The following CDKAL1 variants were observed in gnomAD, a reference collection of about 807,000 sequenced individuals.
The protein encoded by CDKAL1 is CDKAL1 threonylcarbamoyladenosine tRNA methylthiotransferase, also known as threonylcarbamoyladenosine tRNA methylthiotransferase.
A neutral mutation model predicts 68.2 loss-of-function variants in CDKAL1; 32 were observed. The observed-to-expected ratio is 0.47, with a 90% CI of 0.35 to 0.63. The LOEUF is 0.63. CDKAL1 is among the 30% of genes least tolerant of loss of function. CDKAL1 has a pLI of 0.00. For missense variants in CDKAL1, 606 were observed against 696.7 expected (o/e 0.87, Z 1.47); for synonymous variants, 234 against 244.3 (o/e 0.96, Z 0.39).
chr6:20,593,956 G>T (rs1235598156), intron 4 of CDKAL1, among the ~76,000 whole-genome samples: 4 of 152,208 alleles, frequency 2.6e-5, no homozygotes, highest in African/African-American at 9.6e-5. Flanking sequence ...TCAGGAGCAG[G>T]TTGTTCAGTT....
At chr6:20,695,837 G>A (rs1771082850) in intron 5 of CDKAL1, among the ~76,000 whole-genome samples, 1 of 152,090 alleles carries the variant, frequency 6.6e-6, no homozygotes, top group Non-Finnish European at 1.5e-5. Context: ...GTGTCAATAA[G>A]TATATTCACA....
chr6:20,712,514 AAAG>A lies in CDKAL1; in HGVS notation c.372-27001_372-26999del, dbSNP rs1333161971. On this transcript the variant is annotated intron_variant, in intron 5 of 15. Coordinates refer to ENST00000274695, the MANE Select transcript of CDKAL1 (RefSeq NM_017774.3). ...GTGCTTGATGTGTTAGAAAAAAAAA[AAAG>A]AAGTGAAATGAAAAGAAAAGAAAAT... 9.9e-5 allele frequency among the ~76,000 whole-genome samples: 15 copies of A among 152,172 alleles called. 1 individual carries two copies. Among genetic ancestry groups the A allele is most frequent in the Admixed American group, 7.2e-4 (11 of 15,290 alleles).
intron 5 of CDKAL1, among the ~76,000 whole-genome samples, chr6:20,665,372 A>C (rs956245749): frequency 1.3e-5 from 2 of 152,170 alleles, no homozygotes; most frequent in African/African-American, 4.8e-5. Context: ...ATTTCAAAAT[A>C]CAAATGCTTA....
At chr6:20,626,613 A>C (rs771169599) in intron 4 of CDKAL1, among the ~76,000 whole-genome samples, 1 of 152,130 alleles carries the variant, frequency 6.6e-6, no homozygotes, top group South Asian at 2.1e-4. Context: ...CAGAATACCC[A>C]ATCGATAGTG....
Position 21,122,066 on chromosome 6 carries a change from T to G in CDKAL1, c.1299+13603T>G, listed in dbSNP as rs138289015. On this transcript the variant is annotated intron_variant, in intron 13 of 15. Coordinates refer to ENST00000274695, the MANE Select transcript of CDKAL1 (RefSeq NM_017774.3). Reference sequence around the variant, plus strand: ...AGCTCAGTTTAAACATTTAAAAACCTTTATTAATAAAACCAAAAACTTTGA... The same window carrying G: ...AGCTCAGTTTAAACATTTAAAAACCGTTATTAATAAAACCAAAAACTTTGA... Among the ~76,000 whole-genome samples, 199 of 152,328 alleles carry G rather than the reference T, an allele frequency of 1.3e-3. 1 individual carries two copies. The highest frequency in any genetic ancestry group is 3.5e-3 in the Admixed American group (54 of 15,300).
rs1171622769 is a variant in CDKAL1 at position 20,646,048 on chromosome 6, A to ATTTTTT, written c.287-3226_287-3221dup. Among the ~76,000 whole-genome samples the ATTTTTT allele has an allele frequency of 5.6e-3, 487 of 87,392 alleles. 1 individual carries two copies. The highest frequency in any genetic ancestry group is 0.013 in the Middle Eastern group (1 of 80). 57.3% of individuals were successfully genotyped at this position (87,392 alleles called of 152,430 possible). ...CTTTCTGAGGCTATTTCACGGTTAA[A>ATTTTTT]TTTTTTTTTTTTTTTTTTTTTTTTG... On this transcript the variant is annotated intron_variant, in intron 4 of 15. Coordinates refer to ENST00000274695, the MANE Select transcript of CDKAL1 (RefSeq NM_017774.3).
chr6:20,679,302 G>A (rs1054609614), intron 5 of CDKAL1, among the ~76,000 whole-genome samples: 4 of 152,292 alleles, frequency 2.6e-5, no homozygotes, highest in East Asian at 3.9e-4. Flanking sequence ...ACCAAAGAAT[G>A]TGTTTTACTT....
rs144317646 is a variant in CDKAL1 at position 20,704,481 on chromosome 6, G to A, written c.372-35038G>A. ...AGGAAACAGCAATAAAAAAAACACT[G>A]GGGGAGGAATGTGCTTGTCATGTTC... On this transcript the variant is annotated intron_variant, in intron 5 of 15. Coordinates refer to ENST00000274695, the MANE Select transcript of CDKAL1 (RefSeq NM_017774.3). Among the ~76,000 whole-genome samples, 384 of 152,270 alleles carry A rather than the reference G, an allele frequency of 2.5e-3. 2 individuals are homozygous for A. The highest frequency in any genetic ancestry group is 7.7e-3 in the African/African-American group (321 of 41,562).
intron 6 of CDKAL1, among the ~76,000 whole-genome samples, chr6:20,747,189 G>T (rs62399306): frequency 0.056 from 8,522 of 152,040 alleles, 274 homozygotes; most frequent in African/African-American, 0.095. Context: ...TAAAAATGTT[G>T]AATAATATTC....
chr6:21,220,737 G>A (rs1779511869), intron 15 of CDKAL1, among the ~76,000 whole-genome samples: 1 of 152,218 alleles, frequency 6.6e-6, no homozygotes, highest in South Asian at 2.1e-4. Flanking sequence ...GCCCACAGCT[G>A]GAGTGTCGAG....
intron 5 of CDKAL1, among the ~76,000 whole-genome samples, chr6:20,653,271 C>A (rs1768856988): frequency 6.6e-6 from 1 of 152,078 alleles, no homozygotes; most frequent in Non-Finnish European, 1.5e-5. Flanking sequence ...TGTGTACATT[C>A]AAACTTTATT....
intron 15 of CDKAL1, among the ~76,000 whole-genome samples, chr6:21,211,719 A>G (rs1779156904): frequency 6.6e-6 from 1 of 152,184 alleles, no homozygotes; most frequent in South Asian, 2.1e-4. Flanking sequence ...GATATGGGTG[A>G]ATACTAGAAG....
chr6:20,617,043 G>GA (rs57094508), intron 4 of CDKAL1, among the ~76,000 whole-genome samples: 18 of 142,318 alleles, frequency 1.3e-4, no homozygotes, highest in Admixed American at 6.2e-4. Context: ...TGTCTCAGAA[G>GA]AAAAAAAAAA....
intron 5 of CDKAL1, among the ~76,000 whole-genome samples, chr6:20,651,408 T>C (rs1768765132): frequency 6.6e-6 from 1 of 152,218 alleles, no homozygotes; most frequent in South Asian, 2.1e-4. Context: ...TGATTTTATA[T>C]CCTGAGAGTT....
chr6:21,017,679 T>G (rs1268064343), intron 11 of CDKAL1, among the ~76,000 whole-genome samples: 2 of 152,206 alleles, frequency 1.3e-5, no homozygotes, highest in African/African-American at 2.4e-5. Flanking sequence ...TCTTTACGGC[T>G]GACTCCGTAC....
At chr6:20,632,454 A>G (rs1767714914) in intron 4 of CDKAL1, among the ~76,000 whole-genome samples, 1 of 152,154 alleles carries the variant, frequency 6.6e-6, no homozygotes, top group Admixed American at 6.5e-5. Context: ...TAAGTTGGAG[A>G]CCATCTTTGC....
intron 15 of CDKAL1, among the ~76,000 whole-genome samples, chr6:21,218,338 T>G (rs1251053162): frequency 6.6e-6 from 1 of 152,240 alleles, no homozygotes; most frequent in Non-Finnish European, 1.5e-5. Flanking sequence ...CTTGGCAACT[T>G]TTTGTATTAG....
chr6:20,759,114 G>A (rs1774359360), intron 7 of CDKAL1, among the ~76,000 whole-genome samples: 1 of 152,048 alleles, frequency 6.6e-6, no homozygotes, highest in Non-Finnish European at 1.5e-5. Flanking sequence ...ACTCCAGCCT[G>A]AGCAACACAG....
chr6:20,675,104 A>G (rs1238385685), intron 5 of CDKAL1, among the ~76,000 whole-genome samples: 1 of 151,878 alleles, frequency 6.6e-6, no homozygotes, highest in Non-Finnish European at 1.5e-5. Context: ...TTGGCAAAAA[A>G]TAATAAAATA....
Sources: allele counts gnomAD v4.1 joint callset (sites outside exome capture counted in the v4.1 genomes callset), GRCh38; gene constraint gnomAD v4.1.1; transcripts MANE v1.5; gene names NCBI Gene and HGNC (gene_info 2026-07-23, HGNC 2026-07-21).